NR2F1-AS1: variants seen among roughly 807,000 people sequenced by gnomAD.
NR2F1-AS1 encodes the protein NR2F1 antisense RNA 1.
At chr5:93,505,680 C>T (rs1294408223) in intron 4 of NR2F1-AS1, among the ~76,000 whole-genome samples, 1 of 152,224 alleles carries the variant, frequency 6.6e-6, no homozygotes, top group African/African-American at 2.4e-5. Context: ...CCAAGCTTTA[C>T]ATTGGCCCCT....
intron 4 of NR2F1-AS1, among the ~76,000 whole-genome samples, chr5:93,471,528 A>G (rs758431325): frequency 5.7e-4 from 86 of 152,006 alleles, no homozygotes; most frequent in Non-Finnish European, 9.9e-4. Flanking sequence ...AAATTTTCAG[A>G]AAATGTATAT....
At chr5:93,441,340 T>C (rs1468512373) in intron 4 of NR2F1-AS1, among the ~76,000 whole-genome samples, 1 of 152,230 alleles carries the variant, frequency 6.6e-6, no homozygotes, top group Non-Finnish European at 1.5e-5. Flanking sequence ...AGAATGCTGC[T>C]AAGCTTTCTT....
intron 4 of NR2F1-AS1, among the ~76,000 whole-genome samples, chr5:93,446,805 C>T (rs886509610): frequency 6.6e-6 from 1 of 152,164 alleles, no homozygotes; most frequent in African/African-American, 2.4e-5. Flanking sequence ...TCAAACTATA[C>T]TACAAGGCTA....
At chr5:93,511,871 C>T (rs764229404) in intron 4 of NR2F1-AS1, among the ~76,000 whole-genome samples, 4 of 152,154 alleles carry the variant, frequency 2.6e-5, no homozygotes, top group Non-Finnish European at 5.9e-5. Context: ...GGAACAGTTT[C>T]ATCTCAAAAC....
At chr5:93,569,023 T>C (rs1752679977) in intron 1 of NR2F1-AS1, among the ~76,000 whole-genome samples, 1 of 152,172 alleles carries the variant, frequency 6.6e-6, no homozygotes, top group Non-Finnish European at 1.5e-5. Context: ...CAGGATAGCC[T>C]TGTAGGTACA....
chr5:93,448,144 C>A (rs979552594), intron 4 of NR2F1-AS1, among the ~76,000 whole-genome samples: 1 of 152,048 alleles, frequency 6.6e-6, no homozygotes, highest in African/African-American at 2.4e-5. Context: ...CACATGTATA[C>A]CTATGTAACA....
intron 4 of NR2F1-AS1, among the ~76,000 whole-genome samples, chr5:93,551,881 G>T (rs1163650318): frequency 6.6e-6 from 1 of 152,088 alleles, no homozygotes; most frequent in Non-Finnish European, 1.5e-5. Flanking sequence ...TTGACTCCAA[G>T]AAACTAGTAT....
intron 4 of NR2F1-AS1, among the ~76,000 whole-genome samples, chr5:93,478,118 G>A (rs928955767): frequency 5.3e-5 from 8 of 152,108 alleles, no homozygotes; most frequent in African/African-American, 1.7e-4. Context: ...CACAACATAA[G>A]GCCTGCAGAC....
intron 1 of NR2F1-AS1, among the ~76,000 whole-genome samples, chr5:93,569,271 T>C (rs1285347900): frequency 6.6e-6 from 1 of 152,126 alleles, no homozygotes; most frequent in Non-Finnish European, 1.5e-5. Flanking sequence ...TTAAAAGCAA[T>C]TCGGCCAAGA....
chr5:93,479,526 AAAC>A lies in NR2F1-AS1; in HGVS notation n.638+74232_638+74234del, dbSNP rs767297405. ...CAAATGAACAACTGCTGCCTTCATC[AAAC>A]AACAACAACAACCCTTCATGTAGAA... On this transcript the variant is annotated intron_variant and non_coding_transcript_variant, in intron 4 of 5. Transcript: ENST00000660523. Among the ~76,000 whole-genome samples the A allele has an allele frequency of 4.6e-5, 7 of 152,320 alleles. No homozygotes were observed. In the South Asian group the frequency reaches 6.2e-4, roughly 14 times the overall value.
intron 1 of NR2F1-AS1, among the ~76,000 whole-genome samples, chr5:93,565,170 A>G (rs934546904): frequency 5.3e-5 from 8 of 152,192 alleles, no homozygotes; most frequent in African/African-American, 1.9e-4. Context: ...GTCTTAGGCA[A>G]GTTACTTAGC....
intron 4 of NR2F1-AS1, among the ~76,000 whole-genome samples, chr5:93,418,209 C>T (rs1212069150): frequency 1.3e-5 from 2 of 152,106 alleles, no homozygotes; most frequent in East Asian, 1.9e-4. Flanking sequence ...GACTGACAGC[C>T]GAGGCCTAAA....
intron 4 of NR2F1-AS1, among the ~76,000 whole-genome samples, chr5:93,534,043 C>G (rs747606434): frequency 6.6e-6 from 1 of 152,192 alleles, no homozygotes; most frequent in East Asian, 1.9e-4. Flanking sequence ...CATTGTGCCA[C>G]TGAACTCCAG....
chr5:93,516,965 ACAG>A (rs1356294138), intron 4 of NR2F1-AS1, among the ~76,000 whole-genome samples: 1 of 151,976 alleles, frequency 6.6e-6, no homozygotes, highest in Non-Finnish European at 1.5e-5. Context: ...AATAAATCTA[ACAG>A]CAGATTCACT....
chr5:93,537,141 T>G (rs1751856172), intron 4 of NR2F1-AS1, among the ~76,000 whole-genome samples: 1 of 152,334 alleles, frequency 6.6e-6, no homozygotes. Context: ...ACACTCATCA[T>G]GTACAAAAAT....
chr5:93,439,573 C>T (rs1396972575), intron 4 of NR2F1-AS1, among the ~76,000 whole-genome samples: 3 of 152,328 alleles, frequency 2.0e-5, no homozygotes, highest in African/African-American at 7.2e-5. Flanking sequence ...GGATTACAGG[C>T]GTGAGCCACT....
At chr5:93,556,773 A>G (rs1258298650) in intron 2 of NR2F1-AS1, among the ~76,000 whole-genome samples, 1 of 152,170 alleles carries the variant, frequency 6.6e-6, no homozygotes, top group Non-Finnish European at 1.5e-5. Context: ...ATTCTCCCTC[A>G]TACCCCTTAG....
intron 4 of NR2F1-AS1, among the ~76,000 whole-genome samples, chr5:93,458,880 C>T (rs1561448377): frequency 6.6e-6 from 1 of 151,874 alleles, no homozygotes; most frequent in South Asian, 2.1e-4. Context: ...GGTATGGTGG[C>T]GCATACCTGT....
intron 4 of NR2F1-AS1, among the ~76,000 whole-genome samples, chr5:93,468,556 A>C (rs1750293951): frequency 1.3e-5 from 2 of 152,210 alleles, no homozygotes; most frequent in Non-Finnish European, 2.9e-5. Context: ...GCCCTTTGAC[A>C]GATGAGTAGA....
Sources: allele counts gnomAD v4.1 joint callset (sites outside exome capture counted in the v4.1 genomes callset), GRCh38; gene constraint gnomAD v4.1.1; transcripts MANE v1.5; gene names NCBI Gene and HGNC (gene_info 2026-07-23, HGNC 2026-07-21).